Variants in RIMS2 observed in about 807,000 individuals in gnomAD.
The protein encoded by RIMS2 is regulating synaptic membrane exocytosis 2.
Under a neutral mutation model 174.4 loss-of-function variants are expected in RIMS2, and 59 were observed. The ratio of observed to expected loss-of-function variants is 0.34; its 90% CI spans 0.27 to 0.42. The LOEUF is 0.42. Among genes scored for constraint, RIMS2 ranks in the 10% least tolerant of loss-of-function variants. The pLI is 1.00. For missense variants in RIMS2, 1,620 were observed against 1,666.3 expected, an observed-to-expected ratio of 0.97 and a Z score of 0.48; for synonymous variants, 606 against 572.5, an observed-to-expected ratio of 1.06 and a Z score of -0.84.
intron 3 of RIMS2, among the ~76,000 whole-genome samples, chr8:103,835,088 TTTTTC>T (rs1320370075): frequency 3.4e-5 from 5 of 147,500 alleles, no homozygotes; most frequent in African/African-American, 7.5e-5. Context: ...GAGTTTTCTT[TTTTTC>T]TTTTCTTTTC....
chr8:103,606,863 C>T (rs1421841022), intron 1 of RIMS2, among the ~76,000 whole-genome samples: 3 of 151,536 alleles, frequency 2.0e-5, no homozygotes, highest in Non-Finnish European at 4.4e-5. Flanking sequence ...GGTAGATCTT[C>T]CTCCATCCTT....
At chr8:103,610,233 A>G (rs2095320083) in intron 1 of RIMS2, among the ~76,000 whole-genome samples, 1 of 152,038 alleles carries the variant, frequency 6.6e-6, no homozygotes, top group Non-Finnish European at 1.5e-5. Context: ...GCTTTTGGGG[A>G]TAGAGTGGGA....
At chr8:103,765,382 A>C (rs1414550338) in intron 2 of RIMS2, among the ~76,000 whole-genome samples, 1 of 152,136 alleles carries the variant, frequency 6.6e-6, no homozygotes, top group Non-Finnish European at 1.5e-5. Flanking sequence ...AGGAGAGGAA[A>C]AGGGCTGTTG....
At chr8:103,637,090 T>C (rs954136090) in intron 1 of RIMS2, among the ~76,000 whole-genome samples, 2 of 152,186 alleles carry the variant, frequency 1.3e-5, no homozygotes, top group Admixed American at 1.3e-4. Flanking sequence ...CAGTTTTTCT[T>C]GGCTTTTGTC....
intron 1 of RIMS2, among the ~76,000 whole-genome samples, chr8:103,597,847 A>G (rs1215480303): frequency 6.6e-6 from 1 of 152,076 alleles, no homozygotes; most frequent in Non-Finnish European, 1.5e-5. Flanking sequence ...CATGAAATCA[A>G]TTTGGTGTGA....
intron 1 of RIMS2, among the ~76,000 whole-genome samples, chr8:103,640,289 G>C (rs1202258484): frequency 1.3e-5 from 2 of 151,614 alleles, no homozygotes; most frequent in Non-Finnish European, 3.0e-5. Context: ...TCCTTGATTA[G>C]CCTAGCTAGG....
At chr8:104,002,947 T>G (rs184045657) in intron 17 of RIMS2, among the ~76,000 whole-genome samples, 1 of 152,334 alleles carries the variant, frequency 6.6e-6, no homozygotes, top group East Asian at 1.9e-4. Context: ...GAAATAATAT[T>G]TGATTCATTG....
chr8:104,001,166 A>C (rs1305405741), intron 17 of RIMS2, among the ~76,000 whole-genome samples: 2 of 151,858 alleles, frequency 1.3e-5, no homozygotes, highest in Non-Finnish European at 2.9e-5. Flanking sequence ...TCTAGTGTTC[A>C]ATAGCACAGT....
rs770133503 is a variant in RIMS2 at position 104,041,308 on chromosome 8, T to G, written c.3334+26693T>G. 1.0e-5 allele frequency: 7 copies of G among 693,526 alleles called. No individual in the cohort carries two copies. In the East Asian group the frequency reaches 1.8e-4, roughly 18 times the overall value. The allele number at this position is 693,526 out of a possible 1,614,324, so 43.0% of individuals were successfully genotyped here. A position where few individuals can be genotyped will look rare whatever the true frequency, so the allele number is the denominator to read the frequency against. On this transcript the variant is annotated intron_variant, in intron 19 of 23. Coordinates refer to ENST00000504942, the Ensembl canonical transcript of RIMS2. ...ATCTCCTTTGTCTATGTCTGTCCAT[T>G]ACACGATGTGATCACAGAAGAACTG...
intron 1 of RIMS2, among the ~76,000 whole-genome samples, chr8:103,535,693 T>A (rs1300582330): frequency 6.6e-6 from 1 of 152,222 alleles, no homozygotes; most frequent in Non-Finnish European, 1.5e-5. Flanking sequence ...GGGTGATGGC[T>A]TAGTCTTTCA....
intron 19 of RIMS2, among the ~76,000 whole-genome samples, chr8:104,077,662 T>A (rs2097323404): frequency 7.1e-6 from 1 of 140,786 alleles, no homozygotes; most frequent in Non-Finnish European, 1.6e-5. Flanking sequence ...ATACACTTAC[T>A]CATACCCTAA....
chr8:104,109,938 C>A (rs1224740901), intron 19 of RIMS2, among the ~76,000 whole-genome samples: 1 of 152,228 alleles, frequency 6.6e-6, no homozygotes, highest in South Asian at 2.1e-4. Flanking sequence ...TTTTTAACAT[C>A]TATGTGCTAG....
intron 5 of RIMS2, 28 bp downstream of exon 8, chr8:103,910,557 A>G: frequency 7.3e-7 from 1 of 1,377,328 alleles, no homozygotes; most frequent in Non-Finnish European, 1.0e-6. Flanking sequence ...CCTGCCTTTT[A>G]ACCTGCTCAT....
intron 2 of RIMS2, among the ~76,000 whole-genome samples, chr8:103,748,100 C>A (rs2097843957): frequency 6.6e-6 from 1 of 151,998 alleles, no homozygotes; most frequent in Admixed American, 6.6e-5. Flanking sequence ...AATTTATTTG[C>A]AAGAAACCAT....
At chr8:104,068,693 A>T (rs4366052) in intron 19 of RIMS2, 81 bp downstream of exon 23, 2 of 735,826 alleles carry the variant, frequency 2.7e-6, no homozygotes, top group Admixed American at 2.2e-5. Flanking sequence ...CTAAATGCAG[A>T]TTAGTCAGAC....
intron 3 of RIMS2, among the ~76,000 whole-genome samples, chr8:103,779,759 G>C (rs576155769): frequency 9.5e-5 from 11 of 115,304 alleles, no homozygotes; most frequent in Admixed American, 3.1e-4. Flanking sequence ...GTCATGGGGT[G>C]GGGGGAGGGG....
intron 1 of RIMS2, among the ~76,000 whole-genome samples, chr8:103,625,974 C>G (rs1484074650): frequency 1.3e-5 from 2 of 151,540 alleles, no homozygotes; most frequent in Admixed American, 6.6e-5. Context: ...GGTATGAACT[C>G]CTTGAGAATA....
At chr8:103,624,734 A>G (rs956434774) in intron 1 of RIMS2, among the ~76,000 whole-genome samples, 4 of 152,320 alleles carry the variant, frequency 2.6e-5, no homozygotes, top group Admixed American at 2.6e-4. Context: ...GTATTTACAA[A>G]TATTAATTCA....
intron 17 of RIMS2, among the ~76,000 whole-genome samples, chr8:104,007,514 A>G (rs1220105902): frequency 1.3e-5 from 2 of 152,052 alleles, no homozygotes; most frequent in Non-Finnish European, 2.9e-5. Flanking sequence ...CCATTTGACT[A>G]TTTTATCTTC....
Sources: allele counts gnomAD v4.1 joint callset (sites outside exome capture counted in the v4.1 genomes callset), GRCh38; gene constraint gnomAD v4.1.1; transcripts MANE v1.5; gene names NCBI Gene and HGNC (gene_info 2026-07-23, HGNC 2026-07-21).